The following RBBP5 variants were observed in gnomAD, a reference collection of about 807,000 sequenced individuals.
The protein encoded by RBBP5 is retinoblastoma-binding protein 5.
A neutral mutation model predicts 72.2 loss-of-function variants in RBBP5; 5 were observed. The ratio of observed to expected loss-of-function variants is 0.07; its 90% CI spans 0.04 to 0.15. RBBP5 has a LOEUF of 0.15. RBBP5 is among the 10% of genes least tolerant of loss of function. RBBP5 has a pLI of 1.00. For synonymous variants in RBBP5, 209 were observed against 237.2 expected (o/e 0.88, Z 1.09); for missense variants, 322 against 652.2 (o/e 0.49, Z 5.51).
chr1:205,087,553 GAAAAAAAAAAA>G lies in RBBP5; in HGVS notation c.*1223_*1233del, dbSNP rs61068820. On this transcript the variant is annotated 3_prime_UTR_variant, in exon 14 of 14. Transcript: ENST00000264515. ...ATTTAAATTCTCCTTTTAAAATATT[GAAAAAAAAAAA>G]AAAAAAAAAAAGACGATCCAGATTA... 1.0e-4 allele frequency: 8 copies of G among 77,116 alleles called. No homozygotes were observed. Among genetic ancestry groups the G allele is most frequent in the South Asian group, 9.6e-4 (2 of 2,084 alleles). 4.8% of individuals were successfully genotyped at this position (77,116 alleles called of 1,614,324 possible). A position where few individuals can be genotyped will look rare whatever the true frequency, so the allele number is the denominator to read the frequency against.
intron 13 of RBBP5, 64 bp from the exon 14 acceptor site, chr1:205,088,879 C>A (rs1332552971): frequency 1.4e-6 from 2 of 1,426,018 alleles, no homozygotes; most frequent in Non-Finnish European, 1.9e-6. Context: ...CTTGTAAGAA[C>A]AGAAATACTG....
chr1:205,119,737 T>C (rs1206949881), intron 1 of RBBP5, among the ~76,000 whole-genome samples: 2 of 152,230 alleles, frequency 1.3e-5, no homozygotes, highest in African/African-American at 2.4e-5. Flanking sequence ...TTCCTCTACA[T>C]AGATTAATAC....
rs1655209779 is a variant in RBBP5, at chr1:205,088,385, T to C, written c.*402A>G. 2 of 172,058 alleles carry C rather than the reference T, an allele frequency of 1.2e-5. No individual in the cohort carries two copies. Among genetic ancestry groups the C allele is most frequent in the African/African-American group, 4.8e-5 (2 of 41,782 alleles). 10.7% of individuals were successfully genotyped at this position (172,058 alleles called of 1,614,324 possible). A position where few individuals can be genotyped will look rare whatever the true frequency, so the allele number is the denominator to read the frequency against. On this transcript the variant is annotated 3_prime_UTR_variant, in exon 14 of 14. Transcript: ENST00000264515. ...AGCAAAATTTCAGATAAGAAGTCAC[T>C]CAAAGACATGCATTGAGGACCGAAG...
chr1:205,103,736 T>C (rs1326650366), intron 5 of RBBP5, 121 bp downstream of exon 5: 1 of 1,142,750 alleles, frequency 8.8e-7, no homozygotes, highest in Admixed American at 2.3e-5. Flanking sequence ...TAGACTACAT[T>C]TGCTGCAGAA....
chr1:205,115,996 C>G lies in RBBP5; in HGVS notation c.20-113G>C, dbSNP rs753303757. ...CAAAACGAAAAGGGGGATATGATGC[C>G]CTTTCAGGCATTCCATGAGGCCATA... On this transcript the variant is annotated intron_variant, in intron 1 of 13. Coordinates refer to ENST00000264515, the MANE Select transcript of RBBP5 (RefSeq NM_005057.4). 16 of 1,606,626 alleles carry G rather than the reference C, an allele frequency of 1.0e-5. No individual in the cohort carries two copies. In the African/African-American group the frequency reaches 2.1e-4, roughly 22 times the overall value.
At chr1:205,091,144 C>T (rs1199958460) in intron 13 of RBBP5, 1 of 152,246 alleles carries the variant, frequency 6.6e-6, no homozygotes, top group Non-Finnish European at 1.5e-5. Context: ...TCATGTCTAC[C>T]ATCCCATGAG....
intron 3 of RBBP5, among the ~76,000 whole-genome samples, chr1:205,113,999 A>G (rs888967298): frequency 6.6e-6 from 1 of 152,182 alleles, no homozygotes; most frequent in African/African-American, 2.4e-5. Context: ...TTGAATCTTT[A>G]TTGCAAGAAT....
chr1:205,109,558 T>G (rs1318585398), intron 3 of RBBP5, among the ~76,000 whole-genome samples: 1 of 99,002 alleles, frequency 1.0e-5, no homozygotes, highest in African/African-American at 4.2e-5. Flanking sequence ...TCTTCTGTAC[T>G]AGGGGGTGGG....
At chr1:205,106,842 C>T (rs1574706576) in intron 3 of RBBP5, among the ~76,000 whole-genome samples, 3 of 151,860 alleles carry the variant, frequency 2.0e-5, no homozygotes, top group African/African-American at 7.2e-5. Context: ...GGGAAAAAAG[C>T]CCAGAAAATC....
At chr1:205,120,796 G>A (rs1574725264) in intron 1 of RBBP5, among the ~76,000 whole-genome samples, 3 of 149,626 alleles carry the variant, frequency 2.0e-5, no homozygotes, top group African/African-American at 7.3e-5. Flanking sequence ...AAAAAAAAAA[G>A]TCCACTTAAA....
chr1:205,113,982 G>A (rs886375866), intron 3 of RBBP5, among the ~76,000 whole-genome samples: 1 of 152,196 alleles, frequency 6.6e-6, no homozygotes, highest in Non-Finnish European at 1.5e-5. Flanking sequence ...ACCGCGCCTG[G>A]CCCTATTTGA....
Position 205,099,166 on chromosome 1 carries a change from T to C in RBBP5, c.979-60A>G, listed in dbSNP as rs1251789847. Reference sequence around the variant, plus strand: ...AAAGCAATAATCTGTAATCTACACATTAATGATAAAATGAAAGATGTGAGC... The same window carrying C: ...AAAGCAATAATCTGTAATCTACACACTAATGATAAAATGAAAGATGTGAGC... On this transcript the variant is annotated intron_variant, in intron 9 of 13. Transcript: ENST00000264515. The surrounding 1 kb of genome is among the most constrained non-coding windows in gnomAD (Gnocchi z 4.7). The C allele has an allele frequency of 1.0e-6, 1 of 964,062 alleles. No individual in the cohort carries two copies. Among genetic ancestry groups the C allele is most frequent in the Non-Finnish European group, 1.5e-6 (1 of 667,096 alleles). The allele number at this position is 964,062 out of a possible 1,614,324, so 59.7% of individuals were successfully genotyped here. A position where few individuals can be genotyped will look rare whatever the true frequency, so the allele number is the denominator to read the frequency against.
intron 13 of RBBP5, among the ~76,000 whole-genome samples, chr1:205,093,960 A>G (rs1000853570): frequency 6.6e-6 from 1 of 152,204 alleles, no homozygotes; most frequent in Admixed American, 6.5e-5. Context: ...CCACAAAAAA[A>G]TTGAGAATAC....
rs531963648 is a variant in RBBP5, at chr1:205,102,439, T to C, written c.523-730A>G. Among the ~76,000 whole-genome samples the C allele has an allele frequency of 2.6e-5, 4 of 152,304 alleles. No homozygotes were observed. The East Asian group carries it at 7.7e-4, about 29-fold the overall frequency. On this transcript the variant is annotated intron_variant, in intron 5 of 13. Transcript: ENST00000264515. ...GGCAAATACTATATGATTCCCCTTA[T>C]ATGAGGTACCTGGAGTAGTCAAATT...
At chr1:205,097,272 C>T (rs1169109679) in intron 11 of RBBP5, 54 bp downstream of exon 11, 2 of 1,507,400 alleles carry the variant, frequency 1.3e-6, no homozygotes, top group Non-Finnish European at 1.8e-6. Flanking sequence ...GAGTACTCCC[C>T]CAGAGGCCAG....
chr1:205,105,003 C>G, intron 4 of RBBP5, 25 bp downstream of exon 4: 5 of 1,611,162 alleles, frequency 3.1e-6, no homozygotes, highest in Non-Finnish European at 4.2e-6. Flanking sequence ...GACCCCACCC[C>G]AGGAGAGAAA....
intron 3 of RBBP5, among the ~76,000 whole-genome samples, chr1:205,107,385 C>G (rs576689218): frequency 2.0e-5 from 3 of 151,896 alleles, no homozygotes; most frequent in African/African-American, 4.8e-5. Context: ...AAAAATGATG[C>G]CTTATCTATA....
chr1:205,096,590 G>C, intron 12 of RBBP5, 92 bp downstream of exon 12: 1 of 1,199,108 alleles, frequency 8.3e-7, no homozygotes, highest in Non-Finnish European at 1.2e-6. Flanking sequence ...CCTCTAAGGT[G>C]AAATCGCTCA....
chr1:205,116,389 G>A (rs1034601576), intron 1 of RBBP5: 4 of 300,424 alleles, frequency 1.3e-5, no homozygotes, highest in East Asian at 9.1e-5. Context: ...ACTCTCTGGG[G>A]ACCCTCTACT....
Sources: allele counts gnomAD v4.1 joint callset (sites outside exome capture counted in the v4.1 genomes callset), GRCh38; gene constraint gnomAD v4.1.1; non-coding constraint Gnocchi (gnomAD v3.1); transcripts MANE v1.5; gene names NCBI Gene and HGNC (gene_info 2026-07-23, HGNC 2026-07-21).